The following AKAP13 variants were observed in gnomAD, a reference collection of about 807,000 sequenced individuals.
The protein encoded by AKAP13 is A-kinase anchor protein 13.
A neutral mutation model predicts 264.5 loss-of-function variants in AKAP13; 80 were observed. The observed-to-expected ratio is 0.30, with a 90% confidence interval of 0.25 to 0.36. The LOEUF (loss-of-function observed/expected upper bound fraction) is 0.36, where lower values mean the gene tolerates loss of function less well. Among genes scored for constraint, AKAP13 ranks in the 10% least tolerant of loss-of-function variants. The pLI is 1.00. For synonymous variants in AKAP13, 1,380 were observed against 1,250.2 expected, an observed-to-expected ratio of 1.10 and a Z score of -2.19; for missense variants, 3,712 against 3,435.2, an observed-to-expected ratio of 1.08 and a Z score of -2.01.
At chr15:85,720,855 A>T (rs1009568773) in intron 23 of AKAP13, among the ~76,000 whole-genome samples, 7 of 152,186 alleles carry the variant, frequency 4.6e-5, no homozygotes, top group African/African-American at 1.7e-4. Flanking sequence ...ACAAAGGGGG[A>T]TATGGCTTAG....
intron 8 of AKAP13, among the ~76,000 whole-genome samples, chr15:85,613,926 T>C (rs1054537112): frequency 5.9e-5 from 9 of 151,864 alleles, no homozygotes; most frequent in Non-Finnish European, 8.8e-5. Context: ...TGAGAGAATA[T>C]ATCTATACAG....
chr15:85,627,601 G>A (rs1010135226), intron 8 of AKAP13: 1 of 152,188 alleles, frequency 6.6e-6, no homozygotes, highest in Non-Finnish European at 1.5e-5. Context: ...CCTTGTTAGA[G>A]AACAAAGCCT....
intron 5 of AKAP13, among the ~76,000 whole-genome samples, chr15:85,561,390 G>A (rs1210102012): frequency 6.6e-6 from 1 of 152,144 alleles, no homozygotes; most frequent in Non-Finnish European, 1.5e-5. Flanking sequence ...AGCTCTCCAG[G>A]CAATTTCAAA....
At chr15:85,664,532 G>T (rs1320119565) in intron 12 of AKAP13, 31 bp from the exon 13 acceptor site, 1 of 1,566,604 alleles carries the variant, frequency 6.4e-7, no homozygotes, top group Non-Finnish European at 8.7e-7. Context: ...CCCAGAAATA[G>T]AATGAATTAA....
chr15:85,391,429 A>G (rs1213395329), intron 1 of AKAP13, among the ~76,000 whole-genome samples: 1 of 152,070 alleles, frequency 6.6e-6, no homozygotes, highest in Non-Finnish European at 1.5e-5. Flanking sequence ...AGATGAGGGT[A>G]ACTTTTGATC....
At chr15:85,636,683 C>T (rs971810128) in intron 8 of AKAP13, among the ~76,000 whole-genome samples, 1 of 151,782 alleles carries the variant, frequency 6.6e-6, no homozygotes, top group Non-Finnish European at 1.5e-5. Context: ...GGCACAATCA[C>T]GGCTCGCTGC....
chr15:85,577,886 C>G (rs2079067379), intron 6 of AKAP13: 1 of 922,138 alleles, frequency 1.1e-6, no homozygotes, highest in Non-Finnish European at 1.3e-6. Flanking sequence ...GTATTTAGGG[C>G]ACAGGCACAT....
chr15:85,389,045 G>A (rs1051707785), intron 1 of AKAP13, among the ~76,000 whole-genome samples: 4 of 152,212 alleles, frequency 2.6e-5, no homozygotes, highest in African/African-American at 7.2e-5. Flanking sequence ...TATTCTGGCA[G>A]TTGAGAACAC....
At chr15:85,659,280 T>G (rs1177049462) in intron 12 of AKAP13, among the ~76,000 whole-genome samples, 1 of 152,246 alleles carries the variant, frequency 6.6e-6, no homozygotes, top group Non-Finnish European at 1.5e-5. Context: ...ATTAGTGACC[T>G]TCCATTGTTT....
chr15:85,715,891 C>T lies in AKAP13; in HGVS notation c.5703C>T (p.Leu1901=), dbSNP rs1376565968. The T allele has an allele frequency of 1.2e-6, 2 of 1,612,682 alleles. No individual in the cohort carries two copies. The highest frequency in any genetic ancestry group is 1.7e-6 in the Non-Finnish European group (2 of 1,179,734). The change falls in exon 20 of 37, where the codon CTC becomes CTT. Residue 1901 remains leucine, a synonymous_variant. Coordinates refer to ENST00000394518, the MANE Select transcript of AKAP13 (RefSeq NM_007200.5). ...ANRRSQQSVS[L]SKSVSIQNIT... ...GACGATCCCAGCAGAGTGTCTCGCT[C>T]TCCAAAAGTGTCTCCATACAGAACA... is the stretch of plus-strand genomic sequence containing the variant.
chr15:85,593,571 A>G (rs889601970), intron 8 of AKAP13, among the ~76,000 whole-genome samples: 1 of 151,454 alleles, frequency 6.6e-6, no homozygotes, highest in Non-Finnish European at 1.5e-5. Flanking sequence ...CTTTAACCCA[A>G]TCCTTAACTA....
chr15:85,462,859 C>T (rs1377277276), intron 1 of AKAP13, among the ~76,000 whole-genome samples: 1 of 150,300 alleles, frequency 6.7e-6, no homozygotes, highest in Non-Finnish European at 1.5e-5. Context: ...CCCGTCTCTA[C>T]TAAAAATACA....
chr15:85,433,296 T>C (rs1031366401), intron 1 of AKAP13, among the ~76,000 whole-genome samples: 14 of 152,140 alleles, frequency 9.2e-5, no homozygotes, highest in African/African-American at 3.4e-4. Context: ...ATTACTGGAT[T>C]AAAGTTTGAA....
intron 33 of AKAP13, among the ~76,000 whole-genome samples, chr15:85,739,874 C>G (rs934272769): frequency 6.6e-6 from 1 of 152,074 alleles, no homozygotes; most frequent in African/African-American, 2.4e-5. Flanking sequence ...ATTTGAAATG[C>G]TATTTACATG....
At position 85,575,260 on chromosome 15, in the gene AKAP13, A is replaced by G. The variant is rs139228217; in HGVS notation, c.792A>G (p.Glu264=). 1.4e-5 allele frequency: 23 copies of G among 1,614,192 alleles called. No individual in the cohort carries two copies. Among genetic ancestry groups the G allele is most frequent in the Non-Finnish European group, 1.9e-5 (22 of 1,180,028 alleles). ...CCTCTGAGTCTGATTCACATCATGA[A>G]CACCCATTTCCTGGAGACGGTTGCA... ...TLTSESDSHH[E]HPFPGDGCTG... is the part of the protein sequence containing the mutation. Residue 264 remains glutamate (E), a synonymous_variant, in exon 6 of 37, where the codon GAA becomes GAG. Transcript: ENST00000394518.
intron 1 of AKAP13, among the ~76,000 whole-genome samples, chr15:85,384,734 G>C (rs1039351963): frequency 1.3e-5 from 2 of 149,764 alleles, no homozygotes. Context: ...AAAAAAAAAA[G>C]GTTTGTTTCA....
intron 1 of AKAP13, among the ~76,000 whole-genome samples, chr15:85,476,728 CT>C (rs1390269477): frequency 1.3e-5 from 2 of 152,188 alleles, no homozygotes; most frequent in Admixed American, 6.5e-5. Context: ...TTACATTAGT[CT>C]GTTGGGGTCA....
At chr15:85,516,977 G>A (rs1165033227) in intron 2 of AKAP13, among the ~76,000 whole-genome samples, 1 of 152,186 alleles carries the variant, frequency 6.6e-6, no homozygotes, top group Non-Finnish European at 1.5e-5. Context: ...TGTTTTTAAT[G>A]CAGTTTACTT....
In AKAP13 at chr15:85,601,608, T is replaced by TTTTGTGTGTGTG. The variant is rs369305957; in HGVS notation, c.4161+15786_4161+15787insTTGTGTGTGTGT. ...TCTCATCTTCTCTCACCTGAATTCT[T>TTTTGTGTGTGTG]TGTGTGTGTGTGTGTGTGTGTGTGT... is the stretch of plus-strand genomic sequence containing the variant. On this transcript the variant is annotated intron_variant, in intron 8 of 36. Coordinates refer to ENST00000394518, the MANE Select transcript of AKAP13 (RefSeq NM_007200.5). Among the ~76,000 whole-genome samples, 124 of 132,080 alleles carry TTTTGTGTGTGTG rather than the reference T, an allele frequency of 9.4e-4. 2 individuals carry two copies. The highest frequency in any genetic ancestry group is 3.2e-3 in the African/African-American group (112 of 35,114). 86.6% of individuals were successfully genotyped at this position (132,080 alleles called of 152,430 possible). A position where few individuals can be genotyped will look rare whatever the true frequency, so the allele number is the denominator to read the frequency against.
Sources: gnomAD v4.1 joint callset for allele counts (sites outside exome capture counted in the v4.1 genomes callset) on GRCh38, gnomAD v4.1.1 for gene constraint, MANE v1.5 for transcripts, NCBI Gene and HGNC (gene_info 2026-07-23, HGNC 2026-07-21) for gene names.